Variants in NEDD4L observed in about 807,000 individuals in gnomAD.
NEDD4L encodes E3 ubiquitin-protein ligase NEDD4-like.
NEDD4L carries 54 observed loss-of-function variants against 148.9 expected under a neutral mutation model. The observed-to-expected ratio is 0.36, with a 90% CI of 0.29 to 0.45. The LOEUF (loss-of-function observed/expected upper bound fraction) is 0.45, where lower values mean the gene tolerates loss of function less well. Ranked by LOEUF, NEDD4L falls within the 20% of genes least tolerant of loss-of-function variation. NEDD4L has a pLI of 1.00. For missense variants in NEDD4L, 856 were observed against 1,233.8 expected, an observed-to-expected ratio of 0.69 and a Z score of 4.59; for synonymous variants, 433 against 440.7, an observed-to-expected ratio of 0.98 and a Z score of 0.22.
At chr18:58,106,954 TG>T (rs1371813457) in intron 1 of NEDD4L, among the ~76,000 whole-genome samples, 1 of 152,142 alleles carries the variant, frequency 6.6e-6, no homozygotes, top group Non-Finnish European at 1.5e-5. Context: ...GCAGATGGGG[TG>T]GCCAAAACCT....
intron 1 of NEDD4L, among the ~76,000 whole-genome samples, chr18:58,128,312 G>A (rs898366389): frequency 3.3e-5 from 5 of 152,152 alleles, no homozygotes; most frequent in Non-Finnish European, 5.9e-5. Flanking sequence ...CTCCCAGCGT[G>A]CTCATTTATT....
At chr18:58,060,861 C>T (rs2082300925) in intron 1 of NEDD4L, among the ~76,000 whole-genome samples, 4 of 152,044 alleles carry the variant, frequency 2.6e-5, no homozygotes, top group South Asian at 2.1e-4. Flanking sequence ...TGGGTTCAAG[C>T]GATTCTCCTG....
intron 5 of NEDD4L, among the ~76,000 whole-genome samples, chr18:58,301,130 C>G (rs944633508): frequency 6.6e-6 from 1 of 152,134 alleles, no homozygotes; most frequent in African/African-American, 2.4e-5. Context: ...GTACTCTTTC[C>G]TTTAAACTAT....
intron 1 of NEDD4L, among the ~76,000 whole-genome samples, chr18:58,163,890 G>A (rs2036526730): frequency 6.6e-6 from 1 of 152,096 alleles, no homozygotes; most frequent in African/African-American, 2.4e-5. Flanking sequence ...TTTTTGCCCT[G>A]CCATTGTTCT....
At position 58,366,441 on chromosome 18, in the gene NEDD4L, TTTC is replaced by T. The variant is rs1287181256; in HGVS notation, c.2063+216_2063+218del. On this transcript the variant is annotated intron_variant, in intron 21 of 30. Coordinates refer to ENST00000400345, the MANE Select transcript of NEDD4L (RefSeq NM_001144967.3). This position sits in a 1 kb window ranked among gnomAD's most constrained non-coding sequence, Gnocchi z 4.2. Reference sequence around the variant, plus strand: ...CTGCGAACATCTAACATTGATTTTTTTTCTTGTCTATTGGGTTCATGGAGTTGA... The same window carrying T: ...CTGCGAACATCTAACATTGATTTTTTTTGTCTATTGGGTTCATGGAGTTGA... Among the ~76,000 whole-genome samples the T allele has an allele frequency of 6.6e-6, 1 of 152,226 alleles. No homozygotes were observed. The highest frequency in any genetic ancestry group is 1.5e-5 in the Non-Finnish European group (1 of 68,040).
intron 1 of NEDD4L, among the ~76,000 whole-genome samples, chr18:58,107,460 G>A (rs528745138): frequency 5.3e-4 from 80 of 152,308 alleles, no homozygotes; most frequent in Admixed American, 5.2e-4. Flanking sequence ...GCTGATTCCT[G>A]TAATCCCAGC....
chr18:58,079,073 G>A (rs745792481), intron 1 of NEDD4L, among the ~76,000 whole-genome samples: 3 of 152,136 alleles, frequency 2.0e-5, no homozygotes, highest in African/African-American at 7.2e-5. Context: ...GGCGATGTGC[G>A]AAGACACCCG....
intron 2 of NEDD4L, among the ~76,000 whole-genome samples, chr18:58,224,093 G>A (rs2044078365): frequency 6.6e-6 from 1 of 152,188 alleles, no homozygotes; most frequent in African/African-American, 2.4e-5. Flanking sequence ...GAGTCCAGTG[G>A]ACTCAGTGGA....
chr18:58,175,554 C>T (rs560815071), intron 2 of NEDD4L, among the ~76,000 whole-genome samples: 11 of 152,364 alleles, frequency 7.2e-5, no homozygotes, highest in African/African-American at 1.9e-4. Flanking sequence ...GAGCAGCCTC[C>T]GCTGTCTAGG....
chr18:58,199,811 A>G (rs1355862674), intron 2 of NEDD4L, among the ~76,000 whole-genome samples: 1 of 152,234 alleles, frequency 6.6e-6, no homozygotes, highest in Non-Finnish European at 1.5e-5. Flanking sequence ...TGCATCTTGC[A>G]ACAGGAAAAA....
intron 2 of NEDD4L, among the ~76,000 whole-genome samples, chr18:58,168,512 C>T (rs1022264732): frequency 4.6e-5 from 7 of 152,174 alleles, no homozygotes; most frequent in African/African-American, 1.4e-4. Context: ...TGACTTCTGT[C>T]GGCAGCAGCT....
At chr18:58,187,745 A>G (rs2039632292) in intron 2 of NEDD4L, among the ~76,000 whole-genome samples, 1 of 152,248 alleles carries the variant, frequency 6.6e-6, no homozygotes, top group African/African-American at 2.4e-5. Context: ...TAAAAAAAGA[A>G]GCAGACGGAA....
chr18:58,092,846 C>CCT (rs1207587131), intron 1 of NEDD4L, among the ~76,000 whole-genome samples: 1 of 150,554 alleles, frequency 6.6e-6, no homozygotes, highest in African/African-American at 2.5e-5. Context: ...CCATGTACTC[C>CCT]CTCTCTCTCT....
rs373312473 is a variant in NEDD4L, at chr18:58,234,249, CT to C, written c.123-11170del. 1.1e-3 allele frequency among the ~76,000 whole-genome samples: 132 copies of C among 120,426 alleles called. 1 individual carries two copies. Among genetic ancestry groups the C allele is most frequent in the African/African-American group, 3.9e-3 (117 of 30,284 alleles). 79.0% of individuals were successfully genotyped at this position (120,426 alleles called of 152,430 possible). ...CCTTCTTTCTTTTAAAAATATTTTT[CT>C]TTTTTTTCCCTTCCTTCCTCCCTCC... is the stretch of plus-strand genomic sequence containing the variant. On this transcript the variant is annotated intron_variant, in intron 2 of 30. Coordinates refer to ENST00000400345, the MANE Select transcript of NEDD4L (RefSeq NM_001144967.3).
chr18:58,120,506 G>C (rs952167109), intron 1 of NEDD4L, among the ~76,000 whole-genome samples: 1 of 152,234 alleles, frequency 6.6e-6, no homozygotes, highest in African/African-American at 2.4e-5. Flanking sequence ...ACGGCCGGGC[G>C]TGGTGGCTCG....
At chr18:58,332,908 C>T (rs978690050) in intron 11 of NEDD4L, among the ~76,000 whole-genome samples, 1 of 152,156 alleles carries the variant, frequency 6.6e-6, no homozygotes, top group Non-Finnish European at 1.5e-5. Context: ...TAAGACACTA[C>T]ACAGTAGATC....
chr18:58,390,423 T>C (rs1454025867), intron 28 of NEDD4L: 10 of 445,396 alleles, frequency 2.2e-5, no homozygotes, highest in Admixed American at 3.6e-5. Context: ...TATTTTGGCC[T>C]ATTGGCAGAA....
At chr18:58,144,268 A>G (rs572679534) in intron 1 of NEDD4L, among the ~76,000 whole-genome samples, 3 of 152,284 alleles carry the variant, frequency 2.0e-5, no homozygotes, top group African/African-American at 7.2e-5. Context: ...TGATGCTGAC[A>G]TCTGCTCGGC....
intron 1 of NEDD4L, among the ~76,000 whole-genome samples, chr18:58,159,510 C>A (rs2035933139): frequency 6.6e-6 from 1 of 152,054 alleles, no homozygotes; most frequent in African/African-American, 2.4e-5. Context: ...AATCTCCGTG[C>A]CTTCTGCTCA....
Sources: allele counts gnomAD v4.1 joint callset (sites outside exome capture counted in the v4.1 genomes callset), GRCh38; gene constraint gnomAD v4.1.1; non-coding constraint Gnocchi (gnomAD v3.1); transcripts MANE v1.5; gene names NCBI Gene and HGNC (gene_info 2026-07-23, HGNC 2026-07-21).